Variants in SCFD1 observed in about 807,000 individuals in gnomAD.
The protein encoded by SCFD1 is sec1 family domain containing 1.
Under a neutral mutation model 103.2 loss-of-function variants are expected in SCFD1, and 37 were observed. That is an observed-to-expected ratio of 0.36 (90% confidence interval 0.28 to 0.47). SCFD1 has a LOEUF of 0.47. Ranked by LOEUF, SCFD1 falls within the 20% of genes least tolerant of loss-of-function variation. The pLI is 1.00. For missense variants in SCFD1, 639 were observed against 761.2 expected (o/e 0.84, Z 1.89); for synonymous variants, 264 against 245.0 (o/e 1.08, Z -0.73).
intron 14 of SCFD1, chr14:30,682,976 C>A (rs1345308270): frequency 5.3e-6 from 4 of 759,848 alleles, no homozygotes; most frequent in Admixed American, 5.9e-5. Context: ...ATACAGAAAT[C>A]ACAAAAAAAG....
chr14:30,734,960 C>G (rs1040345705), intron 24 of SCFD1, 102 bp downstream of exon 24: 1 of 888,190 alleles, frequency 1.1e-6, no homozygotes, highest in South Asian at 1.5e-5. Flanking sequence ...CTGAACCAGC[C>G]GAAACCAAAG....
At chr14:30,672,912 C>T (rs543083591) in intron 11 of SCFD1, among the ~76,000 whole-genome samples, 2 of 152,288 alleles carry the variant, frequency 1.3e-5, no homozygotes, top group South Asian at 2.1e-4. Context: ...TTTGATATAA[C>T]ATGACTTGTC....
chr14:30,672,077 A>G (rs760781784), intron 11 of SCFD1, among the ~76,000 whole-genome samples: 42 of 152,174 alleles, frequency 2.8e-4, no homozygotes, highest in Middle Eastern at 6.8e-3. Flanking sequence ...TAGTAAAATC[A>G]CTTAATAAAT....
rs539787125 is a variant in SCFD1 at position 30,675,185 on chromosome 14, A to G, written c.1242+120A>G. On this transcript the variant is annotated intron_variant, in intron 14 of 24. Transcript: ENST00000458591. ...CCCCACTGTAACATGAAGTATAATT[A>G]TGGAAGACAGCAGTATTATAGTTAT... 8.5e-6 allele frequency: 4 copies of G among 472,320 alleles called. No homozygotes were observed. The East Asian group carries it at 1.3e-4, about 16-fold the overall frequency. 29.3% of individuals were successfully genotyped at this position (472,320 alleles called of 1,614,324 possible).
intron 23 of SCFD1, among the ~76,000 whole-genome samples, chr14:30,727,761 CA>C (rs1373828859): frequency 6.6e-6 from 1 of 152,204 alleles, no homozygotes; most frequent in East Asian, 1.9e-4. Context: ...TCACATTCGG[CA>C]AGAGGACTTA....
chr14:30,704,486 C>T (rs956134329), intron 17 of SCFD1, among the ~76,000 whole-genome samples: 8 of 152,104 alleles, frequency 5.3e-5, no homozygotes, highest in Admixed American at 1.3e-4. Context: ...TTTAACCCTT[C>T]TTTGTTGTTT....
intron 10 of SCFD1, among the ~76,000 whole-genome samples, chr14:30,655,043 TA>T (rs1253127249): frequency 1.3e-5 from 2 of 152,112 alleles, no homozygotes; most frequent in African/African-American, 4.8e-5. Context: ...ACAAAAACAA[TA>T]GCTTTCCTGT....
intron 23 of SCFD1, among the ~76,000 whole-genome samples, chr14:30,724,245 G>GGT (rs1892867949): frequency 1.4e-4 from 10 of 69,682 alleles, no homozygotes; most frequent in South Asian, 1.3e-3. Flanking sequence ...TTTTTTATGG[G>GGT]TTTTTTTTTT....
rs769980394 is a variant in SCFD1, at chr14:30,653,573, G to A, written c.840G>A (p.Leu280=). ...PLHHTWTYQA[L]VHDVLDFHLN... is the part of the protein sequence containing the mutation. ...ATCATACTTGGACATATCAAGCATT[G>A]GTGCACGATGTACTGGTAAGAGACT... Residue 280 remains leucine, a synonymous_variant, in exon 10 of 25, where the codon TTG becomes TTA. Transcript: ENST00000458591. 3 of 1,609,586 alleles carry A rather than the reference G, an allele frequency of 1.9e-6. No individual in the cohort carries two copies. Among genetic ancestry groups the A allele is most frequent in the Admixed American group, 1.7e-5 (1 of 59,968 alleles).
chr14:30,650,517 A>G, intron 8 of SCFD1, 48 bp from the exon 9 acceptor site: 1 of 1,103,940 alleles, frequency 9.1e-7, no homozygotes, highest in East Asian at 2.4e-5. Flanking sequence ...TAACCTCCAT[A>G]AAGTTATATG....
intron 23 of SCFD1, among the ~76,000 whole-genome samples, chr14:30,724,406 C>G (rs1892897472): frequency 6.6e-6 from 1 of 151,862 alleles, no homozygotes; most frequent in Non-Finnish European, 1.5e-5. Flanking sequence ...GCGCACCCTT[C>G]CACAACCAGC....
At chr14:30,652,105 C>T (rs982104870) in intron 9 of SCFD1, among the ~76,000 whole-genome samples, 6 of 152,158 alleles carry the variant, frequency 3.9e-5, no homozygotes, top group African/African-American at 7.2e-5. Flanking sequence ...GCCACTCTGA[C>T]TTTTTATCCC....
rs138105899 is a variant in SCFD1 at position 30,720,843 on chromosome 14, T to C, written c.1737-1041T>C. Among the ~76,000 whole-genome samples the C allele has an allele frequency of 1.8e-3, 280 of 152,278 alleles. 2 individuals carry two copies. The highest frequency in any genetic ancestry group is 6.6e-3 in the African/African-American group (275 of 41,570). ...GGAGGTTCCTGGAACCAGTCCTTCA[T>C]GGATATCAAGGGAGACTATACTTGG... On this transcript the variant is annotated intron_variant, in intron 21 of 24. Coordinates refer to ENST00000458591, the MANE Select transcript of SCFD1 (RefSeq NM_016106.4).
At chr14:30,668,617 A>G (rs987461244) in intron 10 of SCFD1, among the ~76,000 whole-genome samples, 14 of 152,232 alleles carry the variant, frequency 9.2e-5, no homozygotes, top group Non-Finnish European at 1.6e-4. Flanking sequence ...CAGGCGGCCT[A>G]CAGAATGGGA....
rs547857809 is a variant in SCFD1, at chr14:30,644,323, T to C, written c.613+918T>C. ...AGCAATGAACATATGGGTAGATGTG[T>C]CTTTTTCGTAGAATGAGTTATATTC... On this transcript the variant is annotated intron_variant, in intron 7 of 24. Coordinates refer to ENST00000458591, the MANE Select transcript of SCFD1 (RefSeq NM_016106.4). 2.6e-5 allele frequency among the ~76,000 whole-genome samples: 4 copies of C among 152,298 alleles called. No homozygotes were observed. In the South Asian group the frequency reaches 8.3e-4, roughly 32 times the overall value.
At chr14:30,649,220 T>C (rs979176333) in intron 7 of SCFD1, among the ~76,000 whole-genome samples, 9 of 152,166 alleles carry the variant, frequency 5.9e-5, no homozygotes, top group Middle Eastern at 3.2e-3. Flanking sequence ...TTATGTGTGC[T>C]TGTCGGGGGA....
chr14:30,670,279 T>A lies in SCFD1; in HGVS notation c.879T>A (p.Asn293Lys), dbSNP rs754937280. ...AGGATTTCCATTTAAACAGGGTTAA[T>A]TTGGAAGAATCTTCAGGAGTGGAAA... ...DVLDFHLNRV[N>K]LEESSGVENS... Residue 293 changes from asparagine to lysine, a missense_variant, in exon 11 of 25, where the codon AAT becomes AAA. Transcript: ENST00000458591. 1 of 1,591,456 alleles carries A rather than the reference T, an allele frequency of 6.3e-7. No individual in the cohort carries two copies. The highest frequency in any genetic ancestry group is 8.5e-7 in the Non-Finnish European group (1 of 1,171,806).
At chr14:30,649,613 AAATAACATTGTGTGAATTGTTT>A (rs1886210965) in intron 8 of SCFD1, 30 bp downstream of exon 8, 1 of 1,517,060 alleles carries the variant, frequency 6.6e-7, no homozygotes, top group Admixed American at 2.2e-5. Flanking sequence ...ACGTGGAGAT[AAATAACATTGTGTGAATTGTTT>A]TCCCACAAGT....
chr14:30,644,717 T>C (rs1305571580), intron 7 of SCFD1, among the ~76,000 whole-genome samples: 3 of 152,144 alleles, frequency 2.0e-5, no homozygotes, highest in Non-Finnish European at 4.4e-5. Flanking sequence ...GCTTGTCGAT[T>C]TGTTTAAGTT....
Sources: gnomAD v4.1 joint callset for allele counts (sites outside exome capture counted in the v4.1 genomes callset) on GRCh38, gnomAD v4.1.1 for gene constraint, MANE v1.5 for transcripts, NCBI Gene and HGNC (gene_info 2026-07-23, HGNC 2026-07-21) for gene names.